NKAIN2: variants seen among roughly 807,000 people sequenced by gnomAD.
NKAIN2 encodes the protein sodium/potassium transporting ATPase interacting 2, also known as sodium/potassium-transporting ATPase subunit beta-1-interacting protein 2.
Under a neutral mutation model 32.6 loss-of-function variants are expected in NKAIN2, and 14 were observed. The observed-to-expected ratio is 0.43, with a 90% confidence interval of 0.28 to 0.67. NKAIN2 has a LOEUF of 0.67. Ranked by LOEUF, NKAIN2 falls within the 30% of genes least tolerant of loss-of-function variation. NKAIN2 has a pLI of 0.17. For synonymous variants in NKAIN2, 80 were observed against 87.2 expected, an observed-to-expected ratio of 0.92 and a Z score of 0.46; for missense variants, 198 against 258.3, an observed-to-expected ratio of 0.77 and a Z score of 1.60.
chr6:123,957,790 A>G (rs1192386389), intron 1 of NKAIN2, among the ~76,000 whole-genome samples: 1 of 152,186 alleles, frequency 6.6e-6, no homozygotes, highest in Non-Finnish European at 1.5e-5. Flanking sequence ...TTGTTTCTTA[A>G]AGTAATTAAT....
intron 3 of NKAIN2, among the ~76,000 whole-genome samples, chr6:124,534,544 A>C (rs1779644906): frequency 6.6e-6 from 1 of 152,220 alleles, no homozygotes; most frequent in African/African-American, 2.4e-5. Context: ...ACATGATACC[A>C]AAAGTTGATA....
chr6:124,120,118 TGAACA>T (rs1785807511), intron 1 of NKAIN2, among the ~76,000 whole-genome samples: 1 of 152,184 alleles, frequency 6.6e-6, no homozygotes, highest in Non-Finnish European at 1.5e-5. Context: ...AATATATTAA[TGAACA>T]GTTTCAGTTT....
intron 1 of NKAIN2, among the ~76,000 whole-genome samples, chr6:123,904,846 A>T (rs2114430054): frequency 6.6e-6 from 1 of 152,270 alleles, no homozygotes; most frequent in Middle Eastern, 3.4e-3. Context: ...GAAGGACAGA[A>T]CGAGTTGGTG....
intron 3 of NKAIN2, among the ~76,000 whole-genome samples, chr6:124,633,084 T>C (rs1305246143): frequency 2.6e-5 from 4 of 152,282 alleles, no homozygotes; most frequent in Non-Finnish European, 5.9e-5. Flanking sequence ...TAAAAGAAAT[T>C]CTGCAAAATA....
At chr6:123,958,405 G>C (rs1777696355) in intron 1 of NKAIN2, among the ~76,000 whole-genome samples, 1 of 152,318 alleles carries the variant, frequency 6.6e-6, no homozygotes, top group Non-Finnish European at 1.5e-5. Flanking sequence ...TGTGCACATG[G>C]AGCCATCTGT....
At chr6:123,925,472 G>T (rs188963841) in intron 1 of NKAIN2, among the ~76,000 whole-genome samples, 32 of 152,246 alleles carry the variant, frequency 2.1e-4, no homozygotes, top group African/African-American at 6.3e-4. Context: ...GACTCTGACT[G>T]ATTTGTGAAG....
intron 4 of NKAIN2, among the ~76,000 whole-genome samples, chr6:124,742,258 A>G (rs1777249875): frequency 6.6e-6 from 1 of 151,844 alleles, no homozygotes; most frequent in Admixed American, 6.6e-5. Context: ...CAATAAACTG[A>G]GTAAAGAAGG....
intron 3 of NKAIN2, among the ~76,000 whole-genome samples, chr6:124,467,662 T>C (rs2114664725): frequency 6.6e-6 from 1 of 152,218 alleles, no homozygotes; most frequent in South Asian, 2.1e-4. Context: ...AATATTTAGA[T>C]AGCCAATCTT....
At chr6:124,760,742 G>A (rs1562368517) in intron 4 of NKAIN2, among the ~76,000 whole-genome samples, 1 of 152,084 alleles carries the variant, frequency 6.6e-6, no homozygotes, top group Non-Finnish European at 1.5e-5. Flanking sequence ...ATCTTAGAAA[G>A]CTGTTTGAGG....
At chr6:124,779,341 AAG>A (rs1779152898) in intron 4 of NKAIN2, among the ~76,000 whole-genome samples, 1 of 146,020 alleles carries the variant, frequency 6.8e-6, no homozygotes, top group Non-Finnish European at 1.5e-5. Context: ...GGAAGGAAGG[AAG>A]GAAGGAAGGA....
At chr6:123,968,225 G>A (rs1778183857) in intron 1 of NKAIN2, among the ~76,000 whole-genome samples, 1 of 152,172 alleles carries the variant, frequency 6.6e-6, no homozygotes, top group African/African-American at 2.4e-5. Context: ...AGGAAATGGA[G>A]CACTTGCACT....
At chr6:124,616,610 G>A (rs1165573432) in intron 3 of NKAIN2, among the ~76,000 whole-genome samples, 2 of 149,880 alleles carry the variant, frequency 1.3e-5, no homozygotes, top group Non-Finnish European at 3.0e-5. Context: ...GACTACAGCC[G>A]CCCGCCACCA....
intron 3 of NKAIN2, among the ~76,000 whole-genome samples, chr6:124,583,852 A>G (rs1282227366): frequency 2.6e-5 from 4 of 152,320 alleles, no homozygotes; most frequent in Admixed American, 2.6e-4. Flanking sequence ...ATCTACAGTG[A>G]ATTCATTTTC....
intron 3 of NKAIN2, among the ~76,000 whole-genome samples, chr6:124,412,209 C>T (rs889440223): frequency 2.6e-5 from 4 of 152,182 alleles, no homozygotes; most frequent in African/African-American, 9.7e-5. Flanking sequence ...AGCTTTGTTC[C>T]ATTGCTGGTG....
chr6:123,866,857 C>A (rs1772548061), intron 1 of NKAIN2, among the ~76,000 whole-genome samples: 1 of 152,146 alleles, frequency 6.6e-6, no homozygotes, highest in African/African-American at 2.4e-5. Context: ...CTCTGGATTG[C>A]TCTTTTCCTC....
At chr6:124,595,363 G>T (rs553652900) in intron 3 of NKAIN2, among the ~76,000 whole-genome samples, 1 of 152,078 alleles carries the variant, frequency 6.6e-6, no homozygotes, top group Non-Finnish European at 1.5e-5. Context: ...CCCTTATCTG[G>T]CCATTTTCAC....
At chr6:124,540,049 A>G (rs1356092766) in intron 3 of NKAIN2, among the ~76,000 whole-genome samples, 1 of 152,238 alleles carries the variant, frequency 6.6e-6, no homozygotes. Flanking sequence ...CAAAGTTTTA[A>G]AATATTTATG....
intron 4 of NKAIN2, among the ~76,000 whole-genome samples, chr6:124,721,138 C>A (rs112586909): frequency 6.6e-6 from 1 of 152,088 alleles, no homozygotes. Flanking sequence ...AAACGTTGGC[C>A]GGGCGCGGTG....
chr6:123,852,110 T>C (rs572974892), intron 1 of NKAIN2, among the ~76,000 whole-genome samples: 1 of 152,334 alleles, frequency 6.6e-6, no homozygotes, highest in South Asian at 2.1e-4. Context: ...TTTTACCTCA[T>C]TTTGAATTGC....
Sources: allele counts gnomAD v4.1 joint callset (sites outside exome capture counted in the v4.1 genomes callset), GRCh38; gene constraint gnomAD v4.1.1; transcripts MANE v1.5; gene names NCBI Gene and HGNC (gene_info 2026-07-23, HGNC 2026-07-21).